DPP6: variants seen among roughly 807,000 people sequenced by gnomAD.
DPP6 encodes A-type potassium channel modulatory protein DPP6.
In DPP6, 69 loss-of-function variants were observed where a neutral mutation model predicts 122.6. The ratio of observed to expected loss-of-function variants is 0.56; its 90% CI spans 0.46 to 0.69. The LOEUF is 0.69. DPP6 is among the 30% of genes least tolerant of loss of function. DPP6 has a pLI of 0.00. For synonymous variants in DPP6, 418 were observed against 433.1 expected, an observed-to-expected ratio of 0.97 and a Z score of 0.43; for missense variants, 928 against 1,116.9, an observed-to-expected ratio of 0.83 and a Z score of 2.41.
intron 17 of DPP6, among the ~76,000 whole-genome samples, chr7:154,865,053 T>C (rs534796668): frequency 1.1e-4 from 16 of 152,350 alleles, no homozygotes; most frequent in African/African-American, 3.8e-4. Flanking sequence ...GAGCGTACTT[T>C]AACCAGCTGT....
At chr7:154,476,100 C>G (rs1822711608) in intron 3 of DPP6, among the ~76,000 whole-genome samples, 1 of 152,236 alleles carries the variant, frequency 6.6e-6, no homozygotes, top group Non-Finnish European at 1.5e-5. Flanking sequence ...TTAACAATGA[C>G]TCTTGGCTGT....
intron 8 of DPP6, among the ~76,000 whole-genome samples, chr7:154,745,490 A>G (rs1391292509): frequency 6.6e-6 from 1 of 152,220 alleles, no homozygotes; most frequent in East Asian, 1.9e-4. Flanking sequence ...ATCTCATTAG[A>G]GGCTAGAATG....
chr7:154,209,227 G>A (rs760882400), intron 1 of DPP6, among the ~76,000 whole-genome samples: 4 of 152,104 alleles, frequency 2.6e-5, no homozygotes, highest in African/African-American at 4.8e-5. Context: ...TGAAAAAAAC[G>A]TGTGTCATTT....
intron 1 of DPP6, among the ~76,000 whole-genome samples, chr7:154,001,002 TG>T (rs1797664214): frequency 6.6e-6 from 1 of 152,184 alleles, no homozygotes; most frequent in Non-Finnish European, 1.5e-5. Context: ...GCAGTTCTCA[TG>T]AAGGGTTTCC....
intron 8 of DPP6, among the ~76,000 whole-genome samples, chr7:154,763,376 G>A (rs1042740843): frequency 2.0e-4 from 28 of 138,802 alleles, no homozygotes; most frequent in African/African-American, 6.7e-4. Flanking sequence ...GAGAGAGAGA[G>A]AAAGAAAGAA....
At chr7:154,695,189 G>A (rs924444968) in intron 7 of DPP6, among the ~76,000 whole-genome samples, 1 of 152,162 alleles carries the variant, frequency 6.6e-6, no homozygotes, top group Non-Finnish European at 1.5e-5. Context: ...TTTGGTGAGG[G>A]TGCATGACGC....
chr7:153,782,541 T>C, the DPP6 span, among the ~76,000 whole-genome samples: 1 of 152,126 alleles, frequency 6.6e-6, no homozygotes, highest in African/African-American at 2.4e-5. Flanking sequence ...CCCCTTAGCG[T>C]GTGGGCCCTT....
chr7:154,416,161 C>A (rs1816996450), intron 1 of DPP6, among the ~76,000 whole-genome samples: 1 of 152,160 alleles, frequency 6.6e-6, no homozygotes, highest in African/African-American at 2.4e-5. Flanking sequence ...CCGTCCTGTT[C>A]TGGGACATGA....
intron 8 of DPP6, among the ~76,000 whole-genome samples, chr7:154,744,800 G>A (rs1035585016): frequency 7.9e-5 from 12 of 152,062 alleles, no homozygotes; most frequent in Non-Finnish European, 1.0e-4. Context: ...GCAATTTCCC[G>A]GGACCCAGAT....
At chr7:154,281,232 T>C (rs4726398) in intron 1 of DPP6, among the ~76,000 whole-genome samples, 142,181 of 152,094 alleles carry the variant, frequency 0.93, 66,570 homozygotes, top group East Asian at 1. Flanking sequence ...AGGCGGCTCT[T>C]AAACTCCTGA....
intron 21 of DPP6, chr7:154,883,993 TACAC>T (rs962282698): frequency 1.2e-4 from 14 of 114,882 alleles, no homozygotes; most frequent in African/African-American, 4.6e-4. Flanking sequence ...TGCTCACACA[TACAC>T]ATGCTCACCC....
chr7:153,796,413 C>T, the DPP6 span, among the ~76,000 whole-genome samples: 4 of 144,134 alleles, frequency 2.8e-5, no homozygotes, highest in East Asian at 2.0e-4. Flanking sequence ...CTGATATTAA[C>T]GTGCTCCTCT....
At chr7:154,861,793 T>G (rs539381491) in intron 17 of DPP6, among the ~76,000 whole-genome samples, 2 of 152,186 alleles carry the variant, frequency 1.3e-5, no homozygotes, top group Non-Finnish European at 2.9e-5. Flanking sequence ...AGAGAAGACC[T>G]TGTCAGAAAC....
rs1192621696 is a variant in DPP6 at position 154,892,563 on chromosome 7, G to A, written c.*83G>A. 59 of 1,583,438 alleles carry A rather than the reference G, an allele frequency of 3.7e-5. No homozygotes were observed. The highest frequency in any genetic ancestry group is 4.7e-5 in the Non-Finnish European group (55 of 1,164,244). ...ATTTCCCTGCCCTCCCTCTTCCCTC[G>A]GAGGGGCGGGGCGGGGCGGGGCCGG... On this transcript the variant is annotated 3_prime_UTR_variant, in exon 26 of 26. Coordinates refer to ENST00000377770, the MANE Select transcript of DPP6 (RefSeq NM_130797.4).
At chr7:154,776,358 C>T (rs1235507370) in intron 10 of DPP6, among the ~76,000 whole-genome samples, 1 of 152,092 alleles carries the variant, frequency 6.6e-6, no homozygotes, top group Admixed American at 6.6e-5. Flanking sequence ...ACAGAGGCTC[C>T]CCTCTGCCCA....
chr7:154,178,546 T>A, intron 1 of DPP6, among the ~76,000 whole-genome samples: 1 of 150,934 alleles, frequency 6.6e-6, no homozygotes. Flanking sequence ...TAGTTTAGGA[T>A]CCCTCTTTGA....
At chr7:153,974,606 CCT>C (rs1194283308) in intron 1 of DPP6, among the ~76,000 whole-genome samples, 1 of 152,100 alleles carries the variant, frequency 6.6e-6, no homozygotes. Context: ...TTCCACAATT[CCT>C]CTTTCTTTTG....
chr7:153,888,705 CTTTTTTTTTTTTTTTT>C (rs142238331), intron 1 of DPP6, among the ~76,000 whole-genome samples: 1 of 77,000 alleles, frequency 1.3e-5, no homozygotes, highest in African/African-American at 5.5e-5. Flanking sequence ...CTGGCTGGCA[CTTTTTTTTTTTTTTTT>C]TTTTTTTTTG....
chr7:154,030,694 C>T (rs976964121), intron 1 of DPP6, among the ~76,000 whole-genome samples: 1 of 152,144 alleles, frequency 6.6e-6, no homozygotes, highest in African/African-American at 2.4e-5. Context: ...ACGCTCTCCT[C>T]TTGTGATACC....
Sources: allele counts gnomAD v4.1 joint callset (sites outside exome capture counted in the v4.1 genomes callset), GRCh38; gene constraint gnomAD v4.1.1; transcripts MANE v1.5; gene names NCBI Gene and HGNC (gene_info 2026-07-23, HGNC 2026-07-21).